GRIA3: variants seen among roughly 807,000 people sequenced by gnomAD.
The protein encoded by GRIA3 is glutamate receptor 3.
A neutral mutation model predicts 63.0 loss-of-function variants in GRIA3; 3 were observed. The ratio of observed to expected loss-of-function variants is 0.05; its 90% confidence interval spans 0.02 to 0.12. The LOEUF (loss-of-function observed/expected upper bound fraction) is 0.12, where lower values mean the gene tolerates loss of function less well. Ranked by LOEUF, GRIA3 falls within the 10% of genes least tolerant of loss-of-function variation. The pLI is 1.00. For synonymous variants in GRIA3, 274 were observed against 257.9 expected (o/e 1.06, Z -0.60); for missense variants, 347 against 700.9 (o/e 0.50, Z 5.70).
chrX:123,262,312 G>A (rs1037880221), intron 3 of GRIA3, among the ~76,000 whole-genome samples: 82 of 111,877 alleles, frequency 7.3e-4, no homozygotes, highest in Middle Eastern at 4.6e-3. Context: ...GTCCTCAATA[G>A]AGAGTGAGGG....
chrX:123,188,032 G>A (rs982253618), intron 2 of GRIA3, among the ~76,000 whole-genome samples: 4 of 111,986 alleles, frequency 3.6e-5, no homozygotes, highest in South Asian at 3.8e-4. Flanking sequence ...TTGAGAGTTC[G>A]GGAGAAGGAG....
intron 11 of GRIA3, among the ~76,000 whole-genome samples, chrX:123,426,004 GGTAC>G (rs1362601113): frequency 1.5e-5 from 1 of 67,697 alleles, no homozygotes; most frequent in Non-Finnish European, 3.4e-5. Flanking sequence ...GTGAAATGCT[GGTAC>G]AGACAGAGAA....
chrX:123,352,137 A>G (rs1291747387), intron 4 of GRIA3, among the ~76,000 whole-genome samples: 2 of 109,514 alleles, frequency 1.8e-5, no homozygotes, highest in Non-Finnish European at 3.8e-5. Flanking sequence ...CTGGAGTGCA[A>G]TGGCACGATC....
At chrX:123,301,901 C>A (rs1216792826) in intron 3 of GRIA3, among the ~76,000 whole-genome samples, 1 of 112,030 alleles carries the variant, frequency 8.9e-6, no homozygotes. Context: ...AGATTCCAAG[C>A]AGATTTCACT....
intron 2 of GRIA3, chrX:123,202,625 C>T: frequency 8.6e-7 from 1 of 1,164,294 alleles, no homozygotes; most frequent in East Asian, 3.3e-5. Context: ...CTCACCTTGT[C>T]ACCCCCACAG....
At chrX:123,223,594 C>T (rs1603034029) in intron 2 of GRIA3, among the ~76,000 whole-genome samples, 1 of 112,041 alleles carries the variant, frequency 8.9e-6, no homozygotes, top group East Asian at 2.8e-4. Flanking sequence ...TTCTGAAGAA[C>T]GGTGTGAACA....
intron 12 of GRIA3, among the ~76,000 whole-genome samples, chrX:123,461,399 C>A (rs750749248): frequency 9.0e-6 from 1 of 111,473 alleles, no homozygotes; most frequent in South Asian, 3.8e-4. Context: ...TTCGTGGGGG[C>A]AGGAAAGGGT....
intron 2 of GRIA3, among the ~76,000 whole-genome samples, chrX:123,245,349 C>G (rs56752577): frequency 0.017 from 1,845 of 111,547 alleles, 39 homozygotes; most frequent in African/African-American, 0.057. Flanking sequence ...GGCTCTGGAG[C>G]TCAGGAGTGT....
intron 12 of GRIA3, among the ~76,000 whole-genome samples, chrX:123,430,844 G>A (rs2045613855): frequency 9.0e-6 from 1 of 110,585 alleles, no homozygotes; most frequent in African/African-American, 3.3e-5. Context: ...TTAGCTGAGT[G>A]TGGTGGTGCA....
intron 5 of GRIA3, among the ~76,000 whole-genome samples, chrX:123,391,604 G>A (rs1409318726): frequency 9.0e-6 from 1 of 111,675 alleles, no homozygotes; most frequent in Non-Finnish European, 1.9e-5. Flanking sequence ...GTGTTAGTGG[G>A]TCTAGTCAGG....
intron 5 of GRIA3, among the ~76,000 whole-genome samples, chrX:123,357,290 A>G (rs975989914): frequency 1.3e-4 from 14 of 110,390 alleles, no homozygotes; most frequent in Non-Finnish European, 2.5e-4. Flanking sequence ...TCTTTGAGAC[A>G]GATTTTGTCT....
At chrX:123,376,589 C>A (rs1211913853) in intron 5 of GRIA3, among the ~76,000 whole-genome samples, 2 of 112,392 alleles carry the variant, frequency 1.8e-5, no homozygotes, top group East Asian at 2.8e-4. Context: ...GAGGAGTCAG[C>A]CAACTCTTGC....
chrX:123,240,726 G>A lies in GRIA3; in HGVS notation c.269-12577G>A, dbSNP rs182557214. Among the ~76,000 whole-genome samples, 96 of 111,758 alleles carry A rather than the reference G, an allele frequency of 8.6e-4. 1 individual carries two copies. In the Middle Eastern group the frequency reaches 0.028, roughly 32 times the overall value. On this transcript the variant is annotated intron_variant, in intron 2 of 15. Transcript: ENST00000620443. ...GCTTGAGTTATTCTGTAGAAAACAGGAGTTTCCCAATTCTTCTGGTGGCTC... is the reference window on the plus strand; with the variant it reads ...GCTTGAGTTATTCTGTAGAAAACAGAAGTTTCCCAATTCTTCTGGTGGCTC...
chrX:123,325,812 C>T (rs768047133), intron 3 of GRIA3, among the ~76,000 whole-genome samples: 11 of 111,233 alleles, frequency 9.9e-5, no homozygotes, highest in Admixed American at 1.9e-4. Flanking sequence ...CCACTTGATG[C>T]GGGGTGCCCA....
intron 13 of GRIA3, among the ~76,000 whole-genome samples, chrX:123,475,418 G>A (rs926480121): frequency 3.6e-5 from 4 of 111,878 alleles, no homozygotes; most frequent in Non-Finnish European, 5.6e-5. Context: ...ATTTTTGGAT[G>A]GAGGGATGTT....
intron 2 of GRIA3, among the ~76,000 whole-genome samples, chrX:123,252,134 C>T (rs2044394063): frequency 8.9e-6 from 1 of 112,059 alleles, no homozygotes; most frequent in African/African-American, 3.2e-5. Context: ...CACTCATCCC[C>T]ATCAAAATTT....
At chrX:123,478,601 C>T (rs1232454573) in intron 13 of GRIA3, among the ~76,000 whole-genome samples, 4 of 112,195 alleles carry the variant, frequency 3.6e-5, no homozygotes, top group Non-Finnish European at 7.5e-5. Context: ...CTGTTTTAAA[C>T]AGCAAATGAG....
At chrX:123,298,430 G>A (rs2044699674) in intron 3 of GRIA3, among the ~76,000 whole-genome samples, 1 of 111,734 alleles carries the variant, frequency 8.9e-6, no homozygotes, top group African/African-American at 3.2e-5. Flanking sequence ...CATTCTGACT[G>A]TTGTGGCATG....
intron 3 of GRIA3, among the ~76,000 whole-genome samples, chrX:123,301,802 T>C (rs1352500382): frequency 9.0e-6 from 1 of 111,665 alleles, no homozygotes; most frequent in Non-Finnish European, 1.9e-5. Context: ...ACTTTTCCAA[T>C]GATTATGAGC....
Sources: gnomAD v4.1 joint callset for allele counts (sites outside exome capture counted in the v4.1 genomes callset) on GRCh38, gnomAD v4.1.1 for gene constraint, MANE v1.5 for transcripts, NCBI Gene and HGNC (gene_info 2026-07-23, HGNC 2026-07-21) for gene names.